The following SBNO2 variants were observed in gnomAD, a reference collection of about 807,000 sequenced individuals.
The protein encoded by SBNO2 is strawberry notch homolog 2.
A neutral mutation model predicts 146.3 loss-of-function variants in SBNO2; 89 were observed. That is an observed-to-expected ratio of 0.61 (90% confidence interval 0.51 to 0.73). SBNO2 has a LOEUF of 0.73. Ranked by LOEUF, SBNO2 falls within the 30% of genes least tolerant of loss-of-function variation. SBNO2 has a pLI of 0.00. For missense variants in SBNO2, 2,092 were observed against 2,003.7 expected, an observed-to-expected ratio of 1.04 and a Z score of -0.84; for synonymous variants, 1,147 against 892.6, an observed-to-expected ratio of 1.29 and a Z score of -5.08.
At position 1,110,784 on chromosome 19, in the gene SBNO2, T is replaced by C. The variant is rs1264915591; in HGVS notation, c.2989A>G (p.Met997Val). The change falls in exon 26 of 32, where the codon ATG becomes GTG. Residue 997 changes from methionine to valine, a missense_variant. By Grantham distance (21) the Met-to-Val change is conservative. Coordinates refer to ENST00000361757, the MANE Select transcript of SBNO2 (RefSeq NM_014963.3). This position sits in a 1 kb window ranked among gnomAD's most constrained non-coding sequence, Gnocchi z 4.9. ...TCGTATTTGCCCTCCCGCTTGTCCATCTCGATGAGGTGGTCGAAGGTGTCT... is the reference window on the plus strand; with the variant it reads ...TCGTATTTGCCCTCCCGCTTGTCCACCTCGATGAGGTGGTCGAAGGTGTCT... The part of the protein sequence containing the change: ...FSDTFDHLIE[M>V]DKREGKYDMG... 3.1e-6 allele frequency: 5 copies of C among 1,613,470 alleles called. No individual in the cohort carries two copies. The East Asian group carries it at 8.9e-5, about 29-fold the overall frequency.
chr19:1,170,789 GCA>G (rs1023746187), intron 1 of SBNO2, among the ~76,000 whole-genome samples: 6 of 151,550 alleles, frequency 4.0e-5, no homozygotes, highest in Non-Finnish European at 5.9e-5. Flanking sequence ...CAACATGCGG[GCA>G]CACACAACAT....
At chr19:1,159,480 C>T (rs1165902345) in intron 1 of SBNO2, among the ~76,000 whole-genome samples, 1 of 61,018 alleles carries the variant, frequency 1.6e-5, no homozygotes, top group African/African-American at 7.6e-5. Flanking sequence ...CAGTTGGGGA[C>T]AGCAGGGGAC....
rs2079702828 is a variant in SBNO2, at chr19:1,108,503, T to C, written c.3818A>G (p.His1273Arg). ...GGACAGCGGCGCCGGGAAAGAGAAG[T>C]GCGGGGGCGGCGGGAAGGCCTCGGC... is the stretch of plus-strand genomic sequence containing the variant. Reference protein sequence around the residue: ...PPAEAFPPPPHFSFPAPLSLD... With the variant: ...PPAEAFPPPPRFSFPAPLSLD... Residue 1273 changes from histidine (H) to arginine (R), a missense_variant, in exon 32 of 32, where the codon CAC becomes CGC. Physicochemically the swap from His to Arg is conservative, Grantham distance 29 (BLOSUM62 0). Coordinates refer to ENST00000361757, the MANE Select transcript of SBNO2 (RefSeq NM_014963.3). 2 of 1,209,100 alleles carry C rather than the reference T, an allele frequency of 1.7e-6. No homozygotes were observed. The highest frequency in any genetic ancestry group is 3.3e-5 in the African/African-American group (2 of 60,808). 74.9% of individuals were successfully genotyped at this position (1,209,100 alleles called of 1,614,324 possible). A position where few individuals can be genotyped will look rare whatever the true frequency, so the allele number is the denominator to read the frequency against.
intron 4 of SBNO2, among the ~76,000 whole-genome samples, chr19:1,143,713 C>G (rs1389815569): frequency 6.6e-6 from 1 of 152,142 alleles, no homozygotes; most frequent in African/African-American, 2.4e-5. Flanking sequence ...TCTCACCCTC[C>G]CGCCTCCTCT....
rs1191918266 is a variant in SBNO2 at position 1,108,110 on chromosome 19, C to T, written c.*110G>A. 8.1e-7 allele frequency: 1 copy of T among 1,236,754 alleles called. No individual in the cohort carries two copies. Among genetic ancestry groups the T allele is most frequent in the African/African-American group, 1.6e-5 (1 of 60,970 alleles). The allele number at this position is 1,236,754 out of a possible 1,614,324, so 76.6% of individuals were successfully genotyped here. On this transcript the variant is annotated 3_prime_UTR_variant, in exon 32 of 32. Coordinates refer to ENST00000361757, the MANE Select transcript of SBNO2 (RefSeq NM_014963.3). ...GGCGCTGAAGGCACTGCGGCCAGGG[C>T]CTAGGGCTCCTCTGAGCAGTGGTCA...
intron 1 of SBNO2, 52 bp downstream of exon 1, chr19:1,174,120 C>G (rs924506952): frequency 4.6e-5 from 7 of 151,216 alleles, no homozygotes; most frequent in African/African-American, 1.7e-4. Flanking sequence ...CGGGGTCGGG[C>G]CAGGCAGGGG....
chr19:1,163,482 A>G (rs573376603), intron 1 of SBNO2, among the ~76,000 whole-genome samples: 1 of 152,310 alleles, frequency 6.6e-6, no homozygotes, highest in South Asian at 2.1e-4. Flanking sequence ...CGCCACGAGA[A>G]GCTCGTCCAG....
rs971985348 is a variant in SBNO2, at chr19:1,112,748, C to G, written c.2379+70G>C. On this transcript the variant is annotated intron_variant, in intron 20 of 31. Transcript: ENST00000361757. The surrounding 1 kb of genome is among the most constrained non-coding windows in gnomAD (Gnocchi z 5.9). Reference sequence around the variant, plus strand: ...CAGAAGTGCGCGGGTCCACAGTCCCCGGGGACCCTTGGGCCCCTCTGTGCC... The same window carrying G: ...CAGAAGTGCGCGGGTCCACAGTCCCGGGGGACCCTTGGGCCCCTCTGTGCC... The G allele has an allele frequency of 6.0e-6, 9 of 1,493,474 alleles. No individual in the cohort carries two copies. Among genetic ancestry groups the G allele is most frequent in the Non-Finnish European group, 8.1e-6 (9 of 1,117,362 alleles). 92.5% of individuals were successfully genotyped at this position (1,493,474 alleles called of 1,614,324 possible).
chr19:1,111,361 G>T, intron 24 of SBNO2, 145 bp downstream of exon 24: 1 of 723,380 alleles, frequency 1.4e-6, no homozygotes. Context: ...GGCTCCCTTT[G>T]CCTTCACAGC....
chr19:1,162,703 C>T (rs1319445503), intron 1 of SBNO2, among the ~76,000 whole-genome samples: 1 of 152,202 alleles, frequency 6.6e-6, no homozygotes, highest in Non-Finnish European at 1.5e-5. Flanking sequence ...AACCCCATCT[C>T]CAGAGCTCCC....
intron 1 of SBNO2, among the ~76,000 whole-genome samples, chr19:1,162,761 G>A (rs537303454): frequency 6.6e-6 from 1 of 152,206 alleles, no homozygotes; most frequent in Non-Finnish European, 1.5e-5. Context: ...ACGGAGACCA[G>A]GAACCTGACG....
At chr19:1,139,839 G>A (rs1391691584) in intron 4 of SBNO2, among the ~76,000 whole-genome samples, 1 of 152,046 alleles carries the variant, frequency 6.6e-6, no homozygotes, top group East Asian at 1.9e-4. Flanking sequence ...CAGCTACTCA[G>A]GAGGCTGAGA....
At chr19:1,152,125 A>G (rs1436051616) in intron 2 of SBNO2, among the ~76,000 whole-genome samples, 2 of 152,226 alleles carry the variant, frequency 1.3e-5, no homozygotes, top group Non-Finnish European at 2.9e-5. Context: ...GATGGGGAGC[A>G]AAGCCGGTTA....
intron 1 of SBNO2, among the ~76,000 whole-genome samples, chr19:1,170,735 A>C (rs1041601564): frequency 1.1e-4 from 16 of 152,236 alleles, no homozygotes; most frequent in African/African-American, 3.4e-4. Context: ...GCACGCACAC[A>C]ACACACACAA....
At chr19:1,118,749 G>GT (rs2079862309) in intron 14 of SBNO2, among the ~76,000 whole-genome samples, 1 of 152,156 alleles carries the variant, frequency 6.6e-6, no homozygotes, top group South Asian at 2.1e-4. Context: ...GCGGGCACCT[G>GT]TAACTCCAGC....
intron 3 of SBNO2, among the ~76,000 whole-genome samples, chr19:1,148,359 A>T (rs1375157097): frequency 6.6e-6 from 1 of 151,932 alleles, no homozygotes; most frequent in Non-Finnish European, 1.5e-5. Flanking sequence ...GGCTCTGGCT[A>T]TACCTGCTCC....
At chr19:1,149,090 G>A (rs1599867247) in intron 3 of SBNO2, among the ~76,000 whole-genome samples, 1 of 100,264 alleles carries the variant, frequency 1.0e-5, no homozygotes, top group African/African-American at 3.3e-5. Context: ...ACCTCCACAG[G>A]AGGCCCCCCT....
chr19:1,126,835 C>A lies in SBNO2; in HGVS notation c.441+769G>T, dbSNP rs1185413937. Among the ~76,000 whole-genome samples, 1 of 152,200 alleles carries A rather than the reference C, an allele frequency of 6.6e-6. No individual in the cohort carries two copies. The highest frequency in any genetic ancestry group is 6.5e-5 in the Admixed American group (1 of 15,284). On this transcript the variant is annotated intron_variant, in intron 5 of 31. Transcript: ENST00000361757. This position sits in a 1 kb window ranked among gnomAD's most constrained non-coding sequence, Gnocchi z 4.4. ...GGCCCGGATTGGGGAAGGGACTTGC[C>A]AGGCCTGGCTCCCAGCCATGCCTCC...
At chr19:1,156,472 G>C (rs1188479577) in intron 1 of SBNO2, among the ~76,000 whole-genome samples, 1 of 152,134 alleles carries the variant, frequency 6.6e-6, no homozygotes, top group Admixed American at 6.5e-5. Flanking sequence ...CTGCTTGGCA[G>C]TCTGGGATTC....
Sources: gnomAD v4.1 joint callset for allele counts (sites outside exome capture counted in the v4.1 genomes callset) on GRCh38, gnomAD v4.1.1 for gene constraint, Gnocchi (gnomAD v3.1) non-coding constraint, MANE v1.5 for transcripts, NCBI Gene and HGNC (gene_info 2026-07-23, HGNC 2026-07-21) for gene names.